Variants in CANX observed in about 807,000 individuals in gnomAD.
CANX encodes the protein epididymis secretory sperm binding protein.
In CANX, 14 loss-of-function variants were observed where a neutral mutation model predicts 75.7. That is an observed-to-expected ratio of 0.19 (90% CI 0.12 to 0.29). The LOEUF is 0.29. Ranked by LOEUF, CANX falls within the 10% of genes least tolerant of loss-of-function variation. CANX has a pLI of 1.00. For missense variants in CANX, 567 were observed against 713.2 expected, an observed-to-expected ratio of 0.79 and a Z score of 2.34; for synonymous variants, 227 against 236.9, an observed-to-expected ratio of 0.96 and a Z score of 0.38.
chr5:179,691,635 A>T (rs967978491), intron 1 of CANX, among the ~76,000 whole-genome samples: 33 of 152,248 alleles, frequency 2.2e-4, no homozygotes, highest in South Asian at 1.7e-3. Flanking sequence ...AGACAGGAAG[A>T]GCCACTACAC....
intron 7 of CANX, among the ~76,000 whole-genome samples, chr5:179,713,123 C>T (rs1777693344): frequency 6.6e-6 from 1 of 151,816 alleles, no homozygotes; most frequent in African/African-American, 2.4e-5. Context: ...GCTTTGTCAT[C>T]CAGGCTGGAG....
At chr5:179,705,458 A>G (rs114749332) in intron 1 of CANX, among the ~76,000 whole-genome samples, 74 of 152,314 alleles carry the variant, frequency 4.9e-4, no homozygotes, top group African/African-American at 1.7e-3. Flanking sequence ...TGTATGTTTC[A>G]GTTTTATTTT....
At chr5:179,696,470 T>C (rs886997170), upstream of CANX, among the ~76,000 whole-genome samples, 1 of 151,756 alleles carries the variant, frequency 6.6e-6, no homozygotes, top group East Asian at 1.9e-4. Flanking sequence ...GAGATAGGGT[T>C]TCACCATGTT....
intron 4 of CANX, among the ~76,000 whole-genome samples, 169 bp from the exon 5 acceptor site, chr5:179,708,070 T>C (rs10063824): frequency 0.96 from 145,956 of 152,126 alleles, 70,304 homozygotes; most frequent in East Asian, 1. Flanking sequence ...CTCCTGACCT[T>C]GAGTGATCCG....
At chr5:179,679,280 T>G in intron 1 of CANX, 1 of 1,510,796 alleles carries the variant, frequency 6.6e-7, no homozygotes, top group South Asian at 1.2e-5. Context: ...GAGACAAGAG[T>G]CCGGGTGAGC....
rs1274556460 is a variant in CANX, at chr5:179,712,652, C to T, written c.721+2587C>T. ...GTTGGTCAGGCTGGTCTCAAACTCC[C>T]GACGTCAGGTGATCTGCCCGCCTCA... is the stretch of plus-strand genomic sequence containing the variant. On this transcript the variant is annotated intron_variant, in intron 7 of 14. Transcript: ENST00000247461. Among the ~76,000 whole-genome samples, 13 of 149,316 alleles carry T rather than the reference C, an allele frequency of 8.7e-5. No homozygotes were observed. The South Asian group carries it at 1.1e-3, about 12-fold the overall frequency.
chr5:179,695,736 C>T (rs1048542156), upstream of CANX, among the ~76,000 whole-genome samples: 29 of 151,294 alleles, frequency 1.9e-4, no homozygotes, highest in Non-Finnish European at 2.9e-4. Flanking sequence ...CTGCAAGCTC[C>T]GCCTTCCGGG....
chr5:179,725,737 C>G (rs1349722841), intron 13 of CANX, among the ~76,000 whole-genome samples: 1 of 145,888 alleles, frequency 6.9e-6, no homozygotes, highest in Non-Finnish European at 1.5e-5. Context: ...CGCCTGTAAT[C>G]CCAGCACTTT....
At position 179,679,188 on chromosome 5, in the gene CANX, A is replaced by T. The variant is rs1293806638; in HGVS notation, c.-4+411A>T. On this transcript the variant is annotated intron_variant, in intron 1 of 14. Transcript: ENST00000681674. ...CAGGTGCTCGAAGGGGAGCCTCGGG[A>T]GCGCTGGCGACTCGTGCTGCGCTCT... 3.3e-6 allele frequency: 5 copies of T among 1,534,670 alleles called. No individual in the cohort carries two copies. In the African/African-American group the frequency reaches 5.5e-5, roughly 17 times the overall value.
intron 10 of CANX, among the ~76,000 whole-genome samples, chr5:179,722,470 A>G (rs956687587): frequency 7.9e-5 from 12 of 152,210 alleles, no homozygotes; most frequent in Non-Finnish European, 1.8e-4. Flanking sequence ...TTAAATCACC[A>G]CTGAAGAAGT....
chr5:179,713,725 C>G (rs1777732931), intron 7 of CANX, among the ~76,000 whole-genome samples: 1 of 150,724 alleles, frequency 6.6e-6, no homozygotes, highest in African/African-American at 2.4e-5. Context: ...CTAGACCAGC[C>G]CGGGCAGCAT....
Position 179,688,970 on chromosome 5 carries a change from C to T in CANX, c.-4+10193C>T, listed in dbSNP as rs541175657. Among the ~76,000 whole-genome samples, 4 of 151,786 alleles carry T rather than the reference C, an allele frequency of 2.6e-5. No homozygotes were observed. The East Asian group carries it at 5.8e-4, about 22-fold the overall frequency. On this transcript the variant is annotated intron_variant, in intron 1 of 14. Coordinates refer to the CANX transcript ENST00000681674. ...TCTCAAAAAAACAACAGAAAGAGGC[C>T]GGGTGTGGTGGCTCATGCCTGTAAT...
At chr5:179,679,125 A>T (rs1397653593) in intron 1 of CANX, 4 of 1,535,498 alleles carry the variant, frequency 2.6e-6, no homozygotes, top group Non-Finnish European at 3.5e-6. Flanking sequence ...GTAGCCGAGC[A>T]CTCGAAGGTT....
At chr5:179,690,153 T>G (rs1776274589) in intron 1 of CANX, among the ~76,000 whole-genome samples, 1 of 152,198 alleles carries the variant, frequency 6.6e-6, no homozygotes, top group Non-Finnish European at 1.5e-5. Flanking sequence ...AAGAGGAATA[T>G]TCCCCAAACC....
chr5:179,719,121 G>A (rs959347622), intron 8 of CANX, among the ~76,000 whole-genome samples: 8 of 152,102 alleles, frequency 5.3e-5, no homozygotes, highest in African/African-American at 1.9e-4. Context: ...CATTTCTCTT[G>A]GGTATATATA....
chr5:179,723,562 G>A, intron 11 of CANX, 98 bp from the exon 12 acceptor site: 4 of 1,245,364 alleles, frequency 3.2e-6, no homozygotes, highest in Non-Finnish European at 2.3e-6. Context: ...AGAAGGTCCT[G>A]CGTAGTGCCA....
In CANX at chr5:179,708,235, G is replaced by A. The variant is rs936797947; in HGVS notation, c.305-4G>A. Reference sequence around the variant, plus strand: ...CAGTGGAACTTTTTTGTGTTGTCTTGTAGGAAAGTGGGAGGTAGAGGAAAT... The same window carrying A: ...CAGTGGAACTTTTTTGTGTTGTCTTATAGGAAAGTGGGAGGTAGAGGAAAT... On this transcript the variant is annotated splice_region_variant and splice_polypyrimidine_tract_variant and intron_variant, in intron 4 of 14. Transcript: ENST00000247461. 1.9e-6 allele frequency: 3 copies of A among 1,613,274 alleles called. No individual in the cohort carries two copies. Among genetic ancestry groups the A allele is most frequent in the Non-Finnish European group, 8.5e-7 (1 of 1,179,372 alleles).
intron 1 of CANX, among the ~76,000 whole-genome samples, chr5:179,684,239 CTTAA>C (rs1403524276): frequency 6.6e-6 from 1 of 152,062 alleles, no homozygotes; most frequent in Non-Finnish European, 1.5e-5. Flanking sequence ...AAAAAATTCG[CTTAA>C]TTAAAGGTGG....
rs377742414 is a variant in CANX at position 179,722,891 on chromosome 5, T to C, written c.1270T>C (p.Leu424=). The C allele has an allele frequency of 1.2e-5, 19 of 1,613,778 alleles. No homozygotes were observed. Among genetic ancestry groups the C allele is most frequent in the Non-Finnish European group, 1.4e-5 (17 of 1,179,776 alleles). ...AATGACTCCTTTTAGTGCTATTGGT[T>C]TGGAGCTGTGGTCCATGACCTCTGA... is the stretch of plus-strand genomic sequence containing the variant. ...FRMTPFSAIG[L]ELWSMTSDIF... is the part of the protein sequence containing the mutation. The change falls in exon 11 of 15, where the codon TTG becomes CTG. Residue 424 remains leucine (L), a synonymous_variant. Transcript: ENST00000247461.
Sources: gnomAD v4.1 joint callset for allele counts (sites outside exome capture counted in the v4.1 genomes callset) on GRCh38, gnomAD v4.1.1 for gene constraint, MANE v1.5 for transcripts, NCBI Gene and HGNC (gene_info 2026-07-23, HGNC 2026-07-21) for gene names.